Variants in STX17 observed in about 807,000 individuals in gnomAD.
The protein encoded by STX17 is syntaxin-17.
STX17 carries 29 observed loss-of-function variants against 35.9 expected under a neutral mutation model. That is an observed-to-expected ratio of 0.81 (90% CI 0.60 to 1.10). The LOEUF (loss-of-function observed/expected upper bound fraction) is 1.10. Among genes scored for constraint, STX17 ranks in the 50% least tolerant of loss-of-function variants. STX17 has a pLI of 0.00. For missense variants in STX17, 312 were observed against 352.3 expected (o/e 0.89, Z 0.92); for synonymous variants, 92 against 118.3 (o/e 0.78, Z 1.44).
At position 99,951,172 on chromosome 9, in the gene STX17, C is replaced by T. The variant is rs938291563; in HGVS notation, c.302C>T (p.Ala101Val). The T allele has an allele frequency of 1.2e-6, 2 of 1,612,958 alleles. No homozygotes were observed. The highest frequency in any genetic ancestry group is 1.7e-6 in the Non-Finnish European group (2 of 1,179,252). ...CCTGTTAAAGAAGAAGCATCAGCAGCAACAGCAGAATTTCTCCAACTCCAT... is the reference window on the plus strand; with the variant it reads ...CCTGTTAAAGAAGAAGCATCAGCAGTAACAGCAGAATTTCTCCAACTCCAT... ...IDPVKEEASA[A>V]TAEFLQLHLE... Residue 101 changes from alanine to valine, a missense_variant, in exon 4 of 8, where the codon GCA (alanine) becomes GTA (valine). Transcript: ENST00000259400.
chr9:99,929,888 C>CA, intron 3 of STX17: 1 of 148,142 alleles, frequency 6.8e-6, no homozygotes, highest in Non-Finnish European at 1.5e-5. Flanking sequence ...CACATGCTGT[C>CA]AGTAATATTT....
rs943304832 is a variant in STX17 at position 99,960,027 on chromosome 9, G to A, written c.526G>A (p.Glu176Lys). 1 of 1,614,044 alleles carries A rather than the reference G, an allele frequency of 6.2e-7. No individual in the cohort carries two copies. Among genetic ancestry groups the A allele is most frequent in the Admixed American group, 1.7e-5 (1 of 60,024 alleles). Residue 176 changes from glutamate to lysine, a missense_variant, in exon 5 of 8, where the codon GAA (glutamate) becomes AAA (lysine). Glu to Lys is a moderately conservative substitution (Grantham distance 56). Coordinates refer to ENST00000259400, the MANE Select transcript of STX17 (RefSeq NM_017919.3). ...TGCTGCAGAATCGTGGGAAACCTTA[G>A]AAGCGGTATGTTAAAAAATGTTTTC... is the stretch of plus-strand genomic sequence containing the variant. ...QNAAESWETL[E>K]ADLIELSQLV... is the part of the protein sequence containing the mutation.
chr9:99,924,420 TATAATC>T (rs1564060725), intron 2 of STX17, among the ~76,000 whole-genome samples: 1 of 151,902 alleles, frequency 6.6e-6, no homozygotes, highest in African/African-American at 2.4e-5. Context: ...GTAATATTTA[TATAATC>T]ATAATATCAC....
intron 3 of STX17, among the ~76,000 whole-genome samples, chr9:99,931,392 T>A (rs1347010781): frequency 6.6e-6 from 1 of 152,200 alleles, no homozygotes; most frequent in African/African-American, 2.4e-5. Context: ...GATGTCATTG[T>A]GTTGGACTGT....
chr9:99,914,959 CATTT>C (rs1241899064), intron 1 of STX17: 2 of 198,432 alleles, frequency 1.0e-5, no homozygotes, highest in African/African-American at 4.7e-5. Flanking sequence ...TTTAATTCTT[CATTT>C]ATTTATATTG....
chr9:99,949,992 A>G (rs1242798925), intron 3 of STX17, among the ~76,000 whole-genome samples: 1 of 151,804 alleles, frequency 6.6e-6, no homozygotes, highest in East Asian at 1.9e-4. Flanking sequence ...TTTCAAATAA[A>G]ATACTAGCAA....
chr9:99,970,032 T>C lies in STX17; in HGVS notation c.*1359T>C, dbSNP rs933647473. 2 of 152,628 alleles carry C rather than the reference T, an allele frequency of 1.3e-5. No individual in the cohort carries two copies. Among genetic ancestry groups the C allele is most frequent in the African/African-American group, 4.8e-5 (2 of 41,450 alleles). 9.5% of individuals were successfully genotyped at this position (152,628 alleles called of 1,614,324 possible). A position where few individuals can be genotyped will look rare whatever the true frequency, so the allele number is the denominator to read the frequency against. ...CAAGACTACAGGCAGCTCCCCTCTG[T>C]ACCCCAACTCATTTAAAATAGGAGG... On this transcript the variant is annotated 3_prime_UTR_variant, in exon 8 of 8. Coordinates refer to ENST00000259400, the MANE Select transcript of STX17 (RefSeq NM_017919.3).
intron 3 of STX17, among the ~76,000 whole-genome samples, chr9:99,939,436 C>T (rs1280793568): frequency 6.6e-6 from 1 of 152,128 alleles, no homozygotes; most frequent in African/African-American, 2.4e-5. Context: ...GAAATTAAAT[C>T]TAAAACATCG....
chr9:99,910,730 G>A (rs2118287308), intron 1 of STX17, among the ~76,000 whole-genome samples: 1 of 152,244 alleles, frequency 6.6e-6, no homozygotes, highest in South Asian at 2.1e-4. Context: ...ATAAATTATT[G>A]TTAACTATAG....
At chr9:99,922,039 A>G (rs1022884734) in intron 2 of STX17, among the ~76,000 whole-genome samples, 14 of 152,140 alleles carry the variant, frequency 9.2e-5, no homozygotes, top group African/African-American at 3.4e-4. Flanking sequence ...CACCTTTCAG[A>G]CACTGTTTAT....
chr9:99,948,051 T>G (rs1486660322), intron 3 of STX17, among the ~76,000 whole-genome samples: 1 of 152,086 alleles, frequency 6.6e-6, no homozygotes, highest in Admixed American at 6.6e-5. Flanking sequence ...GCCTGCTGTT[T>G]TCAGAAGCAG....
At chr9:99,936,170 T>G (rs1251307766) in intron 3 of STX17, among the ~76,000 whole-genome samples, 1 of 152,252 alleles carries the variant, frequency 6.6e-6, no homozygotes, top group East Asian at 1.9e-4. Context: ...AAAGCTGCTA[T>G]GAACATTTGG....
chr9:99,916,162 G>A (rs1195477978), intron 2 of STX17: 1 of 439,068 alleles, frequency 2.3e-6, no homozygotes, highest in Non-Finnish European at 4.6e-6. Context: ...TTCAGTTGAG[G>A]AAATAGGTAA....
At chr9:99,966,709 A>G (rs1294717005) in intron 6 of STX17, among the ~76,000 whole-genome samples, 1 of 152,224 alleles carries the variant, frequency 6.6e-6, no homozygotes, top group Non-Finnish European at 1.5e-5. Context: ...TGGTTTATAC[A>G]TTTGCTAAAT....
chr9:99,961,516 C>T (rs1216552300), intron 6 of STX17, among the ~76,000 whole-genome samples: 1 of 152,058 alleles, frequency 6.6e-6, no homozygotes, highest in African/African-American at 2.4e-5. Context: ...ATAGATTTTC[C>T]ACCATTTTTC....
intron 2 of STX17, among the ~76,000 whole-genome samples, chr9:99,924,734 C>G (rs1337745343): frequency 1.3e-5 from 2 of 151,920 alleles, no homozygotes; most frequent in East Asian, 3.9e-4. Context: ...TAGCCTTTGC[C>G]CCACCCACCC....
intron 6 of STX17, among the ~76,000 whole-genome samples, chr9:99,962,998 A>G (rs1437265604): frequency 6.6e-6 from 1 of 152,198 alleles, no homozygotes; most frequent in Non-Finnish European, 1.5e-5. Flanking sequence ...TCTGCGTAGC[A>G]CTGTGCTAAG....
chr9:99,958,784 G>A (rs1177435343), intron 4 of STX17, among the ~76,000 whole-genome samples: 1 of 152,196 alleles, frequency 6.6e-6, no homozygotes, highest in Non-Finnish European at 1.5e-5. Context: ...CCAATATGAG[G>A]AAATAAAGAC....
At chr9:99,940,123 A>G (rs1564066921) in intron 3 of STX17, among the ~76,000 whole-genome samples, 2 of 151,932 alleles carry the variant, frequency 1.3e-5, no homozygotes, top group South Asian at 2.1e-4. Flanking sequence ...TTATCAGATT[A>G]ACTTATTTTA....
Sources: gnomAD v4.1 joint callset for allele counts (sites outside exome capture counted in the v4.1 genomes callset) on GRCh38, gnomAD v4.1.1 for gene constraint, MANE v1.5 for transcripts, NCBI Gene and HGNC (gene_info 2026-07-23, HGNC 2026-07-21) for gene names.